RBFOX1: variants seen among roughly 807,000 people sequenced by gnomAD.
The protein encoded by RBFOX1 is RNA binding protein fox-1 homolog 1.
RBFOX1 carries 8 observed loss-of-function variants against 57.7 expected under a neutral mutation model. The observed-to-expected ratio is 0.14, with a 90% CI of 0.08 to 0.25. RBFOX1 has a LOEUF of 0.25. RBFOX1 is among the 10% of genes least tolerant of loss of function. RBFOX1 has a pLI of 1.00. For synonymous variants in RBFOX1, 326 were observed against 222.4 expected (o/e 1.47, Z -4.15); for missense variants, 611 against 548.5 (o/e 1.11, Z -1.14).
intron 2 of RBFOX1, among the ~76,000 whole-genome samples, chr16:6,454,907 G>A (rs1369503081): frequency 1.7e-5 from 2 of 119,654 alleles, no homozygotes; most frequent in African/African-American, 3.2e-5. Flanking sequence ...TTTTTGAGTT[G>A]GCGTCTCGCC....
rs529701943 is a variant in RBFOX1, at chr16:7,538,764, A to T, written c.270+20375A>T. On this transcript the variant is annotated intron_variant, in intron 5 of 15. Coordinates refer to ENST00000550418, the MANE Select transcript of RBFOX1 (RefSeq NM_018723.4). ...TAGAGATCAGCTTGGTACATATACC[A>T]CTTGGAACTGGGGAGTAAGTTCCAA... 2.0e-5 allele frequency among the ~76,000 whole-genome samples: 3 copies of T among 152,280 alleles called. No individual in the cohort carries two copies. In the East Asian group the frequency reaches 5.8e-4, roughly 29 times the overall value.
At chr16:7,085,809 T>G (rs2059901112) in intron 4 of RBFOX1, among the ~76,000 whole-genome samples, 1 of 152,138 alleles carries the variant, frequency 6.6e-6, no homozygotes. Context: ...GAGAAAGCAA[T>G]CAATCCTGGT....
At position 5,306,552 on chromosome 16, in the gene RBFOX1, C is replaced by A. The variant is rs535094346; in HGVS notation, c.219+66447C>A. 3.3e-5 allele frequency among the ~76,000 whole-genome samples: 5 copies of A among 152,286 alleles called. No individual in the cohort carries two copies. In the South Asian group the frequency reaches 1.0e-3, roughly 32 times the overall value. ...TGAGCTCATGACCTCAAGTGACCCA[C>A]CTGCCTTGGCCTCCCAGATTGCTGG... On this transcript the variant is annotated intron_variant, in intron 1 of 2. Transcript: ENST00000585867.
chr16:6,067,411 C>T (rs2095781262), intron 1 of RBFOX1, among the ~76,000 whole-genome samples: 1 of 148,636 alleles, frequency 6.7e-6, no homozygotes, highest in Non-Finnish European at 1.5e-5. Context: ...AAACAAACAC[C>T]CTGAAAATAC....
At chr16:7,536,460 G>A (rs1363184525) in intron 5 of RBFOX1, among the ~76,000 whole-genome samples, 2 of 152,150 alleles carry the variant, frequency 1.3e-5, no homozygotes, top group Non-Finnish European at 2.9e-5. Context: ...CAGGTGTGGT[G>A]CTGCACACCT....
At chr16:5,962,854 G>A (rs1266165900) in intron 4 of RBFOX1, among the ~76,000 whole-genome samples, 2 of 147,460 alleles carry the variant, frequency 1.4e-5, no homozygotes, top group African/African-American at 5.0e-5. Context: ...TAATGATAAT[G>A]GTGAGTATGT....
chr16:6,994,916 C>G (rs1342461676), intron 3 of RBFOX1, among the ~76,000 whole-genome samples: 2 of 151,488 alleles, frequency 1.3e-5, no homozygotes, highest in African/African-American at 4.9e-5. Context: ...GAACATATCC[C>G]TGATTGGGCA....
At chr16:7,533,557 A>G (rs1470396303) in intron 5 of RBFOX1, among the ~76,000 whole-genome samples, 3 of 152,258 alleles carry the variant, frequency 2.0e-5, no homozygotes, top group Non-Finnish European at 4.4e-5. Flanking sequence ...CACTTAGCCT[A>G]GCACAACTTA....
chr16:6,722,172 G>T (rs1395265257), intron 3 of RBFOX1, among the ~76,000 whole-genome samples: 2 of 152,124 alleles, frequency 1.3e-5, no homozygotes, highest in South Asian at 2.1e-4. Context: ...CCCAAAAATG[G>T]AATTACCAGA....
At chr16:6,439,545 C>A (rs896074023) in intron 2 of RBFOX1, among the ~76,000 whole-genome samples, 1 of 152,134 alleles carries the variant, frequency 6.6e-6, no homozygotes, top group Non-Finnish European at 1.5e-5. Context: ...AGTCATCCAA[C>A]CTGCAGTTTG....
At chr16:6,205,942 C>G (rs960292982) in intron 1 of RBFOX1, among the ~76,000 whole-genome samples, 6 of 146,574 alleles carry the variant, frequency 4.1e-5, no homozygotes, top group African/African-American at 1.5e-4. Flanking sequence ...AGCCAGTGCA[C>G]CTGAAAGTCA....
At chr16:5,285,176 T>G (rs979934716) in intron 1 of RBFOX1, among the ~76,000 whole-genome samples, 6 of 152,182 alleles carry the variant, frequency 3.9e-5, no homozygotes, top group African/African-American at 1.4e-4. Context: ...TCTGACTGGA[T>G]TATTTTAAAA....
intron 1 of RBFOX1, among the ~76,000 whole-genome samples, chr16:5,420,948 C>G (rs2067306043): frequency 1.5e-5 from 2 of 133,572 alleles, no homozygotes; most frequent in South Asian, 5.4e-4. Flanking sequence ...CTTCCTCCTG[C>G]TTTTCCTCCT....
intron 1 of RBFOX1, among the ~76,000 whole-genome samples, chr16:6,251,166 A>G (rs570720365): frequency 1.0e-3 from 152 of 152,294 alleles, no homozygotes; most frequent in African/African-American, 3.1e-3. Context: ...TAATAATAAC[A>G]CTAGCACTTA....
At chr16:5,668,084 C>G (rs1426167804) in intron 3 of RBFOX1, among the ~76,000 whole-genome samples, 3 of 152,048 alleles carry the variant, frequency 2.0e-5, no homozygotes, top group Non-Finnish European at 4.4e-5. Flanking sequence ...AATTCAGGAC[C>G]AACCTGATCA....
chr16:6,693,116 C>G (rs1443065143), intron 3 of RBFOX1, among the ~76,000 whole-genome samples: 1 of 151,282 alleles, frequency 6.6e-6, no homozygotes, highest in Admixed American at 6.6e-5. Flanking sequence ...TCATCCTCCC[C>G]CACCATCACC....
chr16:5,538,277 C>A (rs1354473343), intron 2 of RBFOX1, among the ~76,000 whole-genome samples: 1 of 152,112 alleles, frequency 6.6e-6, no homozygotes, highest in Non-Finnish European at 1.5e-5. Context: ...GCCCTTTGAG[C>A]CTTGGTTTTC....
intron 3 of RBFOX1, among the ~76,000 whole-genome samples, chr16:5,656,163 C>G (rs1386026197): frequency 6.6e-6 from 1 of 152,094 alleles, no homozygotes; most frequent in Non-Finnish European, 1.5e-5. Flanking sequence ...AACCTTGTTT[C>G]TCTTCTTAGG....
At chr16:5,400,465 G>C (rs489497) in intron 1 of RBFOX1, among the ~76,000 whole-genome samples, 12,195 of 152,052 alleles carry the variant, frequency 0.08, 728 homozygotes, top group African/African-American at 0.16. Context: ...CTAGTTTTAT[G>C]TATGCATATA....
Sources: gnomAD v4.1 joint callset for allele counts (sites outside exome capture counted in the v4.1 genomes callset) on GRCh38, gnomAD v4.1.1 for gene constraint, MANE v1.5 for transcripts, NCBI Gene and HGNC (gene_info 2026-07-23, HGNC 2026-07-21) for gene names.